Variants in NTRK2 observed in about 807,000 individuals in gnomAD.
NTRK2 encodes neurotrophic receptor tyrosine kinase 2, also known as BDNF/NT-3 growth factors receptor.
NTRK2 carries 13 observed loss-of-function variants against 94.5 expected under a neutral mutation model. That is an observed-to-expected ratio of 0.14 (90% CI 0.09 to 0.22). NTRK2 has a LOEUF of 0.22. NTRK2 is among the 10% of genes least tolerant of loss of function. NTRK2 has a pLI of 1.00. For synonymous variants in NTRK2, 372 were observed against 407.4 expected (o/e 0.91, Z 1.05); for missense variants, 639 against 1,071.2 (o/e 0.60, Z 5.63).
chr9:84,683,280 T>C (rs1218343004), intron 2 of NTRK2, among the ~76,000 whole-genome samples: 14 of 152,136 alleles, frequency 9.2e-5, no homozygotes, highest in Admixed American at 9.2e-4. Context: ...CCTATCAACC[T>C]GTCATCTAGG....
At chr9:84,735,762 A>G (rs1208433433) in intron 9 of NTRK2, among the ~76,000 whole-genome samples, 4 of 152,220 alleles carry the variant, frequency 2.6e-5, no homozygotes, top group African/African-American at 9.6e-5. Flanking sequence ...AAAAAGAAAG[A>G]CTTGTCTAAG....
intron 14 of NTRK2, among the ~76,000 whole-genome samples, chr9:84,926,102 TTCCTTTCC>T (rs1318105546): frequency 5.5e-5 from 8 of 146,382 alleles, no homozygotes; most frequent in African/African-American, 1.9e-4. Context: ...CCTTCCTTCC[TTCCTTTCC>T]TTCCTTCCTT....
At chr9:84,805,136 G>C (rs914404104) in intron 12 of NTRK2, among the ~76,000 whole-genome samples, 1 of 152,150 alleles carries the variant, frequency 6.6e-6, no homozygotes, top group African/African-American at 2.4e-5. Context: ...ATTCCCCTTA[G>C]AATTGTTGAG....
At chr9:84,981,265 G>GT (rs11390659) in intron 17 of NTRK2, among the ~76,000 whole-genome samples, 75,112 of 149,512 alleles carry the variant, frequency 0.5, 19,196 homozygotes, top group Middle Eastern at 0.61. Context: ...TTGTTTTGTT[G>GT]TTTTTTTTTT....
At chr9:84,833,638 G>A (rs1250244438) in intron 12 of NTRK2, among the ~76,000 whole-genome samples, 2 of 151,704 alleles carry the variant, frequency 1.3e-5, no homozygotes, top group Admixed American at 6.6e-5. Context: ...AAGGCAGGAA[G>A]GAAGGAGGGA....
At chr9:84,679,075 T>A (rs1353155165) in intron 2 of NTRK2, among the ~76,000 whole-genome samples, 1 of 152,174 alleles carries the variant, frequency 6.6e-6, no homozygotes, top group African/African-American at 2.4e-5. Flanking sequence ...GAAGGTGCCA[T>A]TTATGAGGAA....
intron 12 of NTRK2, among the ~76,000 whole-genome samples, chr9:84,816,180 G>A (rs2072377159): frequency 6.6e-6 from 1 of 152,136 alleles, no homozygotes; most frequent in Non-Finnish European, 1.5e-5. Context: ...AAGCGAGAGA[G>A]AGGGGAATAT....
At chr9:84,795,886 A>G (rs1393308778) in intron 12 of NTRK2, among the ~76,000 whole-genome samples, 1 of 150,720 alleles carries the variant, frequency 6.6e-6, no homozygotes, top group Middle Eastern at 3.2e-3. Context: ...TGTAATATGG[A>G]CCCTTGCACC....
chr9:84,714,111 T>C (rs2061569202), intron 6 of NTRK2, among the ~76,000 whole-genome samples: 1 of 152,168 alleles, frequency 6.6e-6, no homozygotes, highest in Non-Finnish European at 1.5e-5. Context: ...TGTACCGCAT[T>C]ATGGGAGAAT....
chr9:84,921,502 C>CA (rs200275995), intron 14 of NTRK2, among the ~76,000 whole-genome samples: 1,849 of 151,526 alleles, frequency 0.012, 19 homozygotes, highest in Admixed American at 0.02. Context: ...AGGCAGGGGA[C>CA]AAAAAAAATA....
chr9:84,850,457 G>T (rs903916155), intron 12 of NTRK2, among the ~76,000 whole-genome samples: 1 of 152,138 alleles, frequency 6.6e-6, no homozygotes, highest in African/African-American at 2.4e-5. Flanking sequence ...TGAAATTAAG[G>T]TGATAAAGCT....
chr9:84,844,816 AC>A (rs1462430392), intron 12 of NTRK2, among the ~76,000 whole-genome samples: 1 of 151,970 alleles, frequency 6.6e-6, no homozygotes, highest in Non-Finnish European at 1.5e-5. Context: ...GGTTGAATAA[AC>A]CCAAAGAGGA....
At chr9:84,893,222 C>A (rs11140800) in intron 14 of NTRK2, among the ~76,000 whole-genome samples, 69,754 of 151,972 alleles carry the variant, frequency 0.46, 18,354 homozygotes, top group South Asian at 0.63. Context: ...ACTGTTCCGA[C>A]TTTTTTAAAC....
chr9:84,735,297 C>T (rs2132206024), intron 9 of NTRK2, among the ~76,000 whole-genome samples: 1 of 152,316 alleles, frequency 6.6e-6, no homozygotes, highest in African/African-American at 2.4e-5. Context: ...GCTTCTCGAA[C>T]TTTAATGCAC....
At chr9:84,797,784 TTA>T (rs1343497749) in intron 12 of NTRK2, among the ~76,000 whole-genome samples, 5 of 78,276 alleles carry the variant, frequency 6.4e-5, no homozygotes, top group African/African-American at 2.5e-4. Context: ...ATAATATATA[TTA>T]TATATACTAT....
intron 2 of NTRK2, among the ~76,000 whole-genome samples, chr9:84,699,758 TG>T (rs911151546): frequency 2.6e-4 from 39 of 152,076 alleles, no homozygotes; most frequent in African/African-American, 7.9e-4. Flanking sequence ...ATTTTTAAAT[TG>T]TTTTTTTTCT....
intron 2 of NTRK2, among the ~76,000 whole-genome samples, chr9:84,699,681 C>T (rs906793777): frequency 3.4e-5 from 5 of 148,500 alleles, no homozygotes; most frequent in African/African-American, 9.9e-5. Context: ...TTTTTTCTAA[C>T]GAGTGTATGC....
intron 17 of NTRK2, among the ~76,000 whole-genome samples, chr9:84,976,275 T>G (rs1826850842): frequency 6.6e-6 from 1 of 152,178 alleles, no homozygotes; most frequent in Admixed American, 6.5e-5. Context: ...GCCACCTTCT[T>G]GCTGTGTCCC....
chr9:84,895,731 G>A (rs2076738873), intron 14 of NTRK2, among the ~76,000 whole-genome samples: 1 of 152,206 alleles, frequency 6.6e-6, no homozygotes, highest in South Asian at 2.1e-4. Flanking sequence ...AAGCTGTGAG[G>A]CTTGCCTTCG....
Sources: gnomAD v4.1 joint callset for allele counts (sites outside exome capture counted in the v4.1 genomes callset) on GRCh38, gnomAD v4.1.1 for gene constraint, MANE v1.5 for transcripts, NCBI Gene and HGNC (gene_info 2026-07-23, HGNC 2026-07-21) for gene names.